The following PAM variants were observed in gnomAD, a reference collection of about 807,000 sequenced individuals.
PAM encodes the protein peptidyl-glycine alpha-amidating monooxygenase.
A neutral mutation model predicts 122.1 loss-of-function variants in PAM; 72 were observed. That is an observed-to-expected ratio of 0.59 (90% CI 0.49 to 0.72). The LOEUF is 0.72. PAM is among the 30% of genes least tolerant of loss of function. PAM has a pLI of 0.00. For synonymous variants in PAM, 389 were observed against 404.4 expected (o/e 0.96, Z 0.46); for missense variants, 1,106 against 1,183.7 (o/e 0.93, Z 0.96).
chr5:103,001,570 T>C lies in PAM; in HGVS notation c.1614-1463T>C, dbSNP rs552428206. ...ACAAAGCTGAATCAATATTTTGTGT[T>C]CAATTGAATGCATCATTAATAAGAA... On this transcript the variant is annotated intron_variant, in intron 16 of 25. Coordinates refer to ENST00000438793, the MANE Select transcript of PAM (RefSeq NM_001177306.2). Among the ~76,000 whole-genome samples the C allele has an allele frequency of 2.0e-5, 3 of 152,274 alleles. No individual in the cohort carries two copies. In the East Asian group the frequency reaches 5.8e-4, roughly 29 times the overall value.
intron 1 of PAM, among the ~76,000 whole-genome samples, chr5:102,815,803 T>G (rs914250314): frequency 5.9e-5 from 9 of 152,200 alleles, no homozygotes; most frequent in African/African-American, 2.2e-4. Context: ...AGTTGGCATT[T>G]GTCCAAACTT....
chr5:102,925,030 C>T lies in PAM; in HGVS notation c.430C>T (p.Arg144Trp), dbSNP rs778364854. The T allele has an allele frequency of 7.0e-6, 11 of 1,560,366 alleles. No individual in the cohort carries two copies. The highest frequency in any genetic ancestry group is 6.7e-5 in the East Asian group (3 of 44,662). Residue 144 changes from arginine (R) to tryptophan (W), a missense_variant, in exon 6 of 26, where the codon CGG becomes TGG. By Grantham distance (101) the Arg-to-Trp change is moderately radical. This residue lies in a region of PAM where 670 missense variants were observed against 690.3 expected (regional missense o/e 0.97). Coordinates refer to ENST00000438793, the MANE Select transcript of PAM (RefSeq NM_001177306.2). The stretch of plus-strand genomic sequence containing the variant: ...CTGGGCGAGAAATGCTCCCCCTACC[C>T]GGCTCCCCAAAGGTATGTCAGAGCC... The part of the protein sequence containing the change: ...YAWARNAPPT[R>W]LPKGVGFRVG...
At chr5:102,843,592 T>A (rs529897095) in intron 1 of PAM, among the ~76,000 whole-genome samples, 2 of 152,194 alleles carry the variant, frequency 1.3e-5, no homozygotes, top group South Asian at 4.1e-4. Context: ...TGGGAGAAAA[T>A]ATTTGCAAAC....
At chr5:102,875,941 A>G (rs1789041372) in intron 3 of PAM, among the ~76,000 whole-genome samples, 1 of 152,272 alleles carries the variant, frequency 6.6e-6, no homozygotes, top group Admixed American at 6.5e-5. Context: ...TCTGACTTAC[A>G]GAACAGAAAG....
rs531164951 is a variant in PAM at position 102,864,980 on chromosome 5, C to T, written c.-373-843C>T. Among the ~76,000 whole-genome samples, 8 of 152,264 alleles carry T rather than the reference C, an allele frequency of 5.3e-5. No homozygotes were observed. In the South Asian group the frequency reaches 1.2e-3, roughly 24 times the overall value. On this transcript the variant is annotated intron_variant, in intron 1 of 25. Transcript: ENST00000438793. ...GTAACATTAGTTCTTCATGGCCTCTCATTTGTATTAATGTGACGTTCTTGA... is the reference window on the plus strand; with the variant it reads ...GTAACATTAGTTCTTCATGGCCTCTTATTTGTATTAATGTGACGTTCTTGA...
At chr5:102,760,341 T>G (rs911206344) in intron 1 of PAM, among the ~76,000 whole-genome samples, 11 of 152,208 alleles carry the variant, frequency 7.2e-5, no homozygotes, top group Non-Finnish European at 1.6e-4. Context: ...GTGAGTAGTA[T>G]AGTCCTTTGT....
At chr5:102,907,994 A>G (rs1800129301) in intron 4 of PAM, among the ~76,000 whole-genome samples, 1 of 151,658 alleles carries the variant, frequency 6.6e-6, no homozygotes, top group African/African-American at 2.4e-5. Context: ...CCATTTGTCA[A>G]TTTTGTCTTT....
intron 7 of PAM, among the ~76,000 whole-genome samples, chr5:102,932,410 C>T (rs7703439): frequency 0.015 from 2,330 of 151,918 alleles, 46 homozygotes; most frequent in African/African-American, 0.052. Context: ...ATCGTTTGAA[C>T]CCGGGAGGCA....
intron 15 of PAM, among the ~76,000 whole-genome samples, chr5:102,981,855 G>C (rs1168180314): frequency 6.6e-6 from 1 of 152,110 alleles, no homozygotes; most frequent in Non-Finnish European, 1.5e-5. Context: ...TTAAACATTT[G>C]GTGGGGGAAT....
intron 1 of PAM, among the ~76,000 whole-genome samples, chr5:102,830,026 T>C (rs1774967452): frequency 6.6e-6 from 1 of 152,102 alleles, no homozygotes; most frequent in Admixed American, 6.5e-5. Flanking sequence ...TAGCAACACG[T>C]ATAGATGTTT....
intron 20 of PAM, among the ~76,000 whole-genome samples, chr5:103,009,493 G>A (rs1210800989): frequency 2.0e-5 from 3 of 151,986 alleles, no homozygotes; most frequent in Non-Finnish European, 4.4e-5. Context: ...ATGTATTTCT[G>A]ATTTCTACTG....
chr5:102,783,061 CAAAT>C (rs1759486625), intron 1 of PAM, among the ~76,000 whole-genome samples: 1 of 151,380 alleles, frequency 6.6e-6, no homozygotes, highest in African/African-American at 2.4e-5. Context: ...AAAAAAAACT[CAAAT>C]AAGAGGTATT....
chr5:102,817,738 A>T (rs1007703344), intron 1 of PAM, among the ~76,000 whole-genome samples: 2 of 151,774 alleles, frequency 1.3e-5, no homozygotes, highest in African/African-American at 4.8e-5. Flanking sequence ...ATGTTATCAG[A>T]TCATGTCTCT....
At chr5:102,995,161 C>T (rs1775306745) in intron 16 of PAM, among the ~76,000 whole-genome samples, 1 of 152,102 alleles carries the variant, frequency 6.6e-6, no homozygotes, top group South Asian at 2.1e-4. Context: ...GATTTCTTTC[C>T]TACCTTAGGG....
At chr5:102,909,896 G>A (rs1433981205) in intron 4 of PAM, among the ~76,000 whole-genome samples, 4 of 151,706 alleles carry the variant, frequency 2.6e-5, no homozygotes, top group Admixed American at 6.6e-5. Flanking sequence ...CTTGCAAGTC[G>A]GTGCTTTTTT....
Position 102,974,437 on chromosome 5 carries a change from G to T in PAM, c.1483+1G>T. The stretch of plus-strand genomic sequence containing the variant: ...ACCTGGGAACCAGAACACACAGGAG[G>T]TGCGTGTAGGGTTTCTTTTAAGCAG... On this transcript the variant is annotated splice_donor_variant, in intron 15 of 25. Coordinates refer to ENST00000438793, the MANE Select transcript of PAM (RefSeq NM_001177306.2). LOFTEE classifies it high-confidence loss of function. The T allele has an allele frequency of 2.5e-6, 4 of 1,603,130 alleles. No individual in the cohort carries two copies. Among genetic ancestry groups the T allele is most frequent in the Non-Finnish European group, 3.4e-6 (4 of 1,172,602 alleles).
At chr5:102,851,987 T>C (rs1781445916) in intron 1 of PAM, among the ~76,000 whole-genome samples, 1 of 152,222 alleles carries the variant, frequency 6.6e-6, no homozygotes, top group Non-Finnish European at 1.5e-5. Context: ...CAAATTCTAC[T>C]ATGCCAAAAA....
At chr5:102,782,897 A>C (rs1337172918) in intron 1 of PAM, among the ~76,000 whole-genome samples, 2 of 151,130 alleles carry the variant, frequency 1.3e-5, no homozygotes, top group Non-Finnish European at 2.9e-5. Flanking sequence ...TATACTCCCC[A>C]TATTTTTGGT....
intron 1 of PAM, among the ~76,000 whole-genome samples, chr5:102,791,470 A>T (rs561043839): frequency 2.6e-5 from 4 of 151,816 alleles, no homozygotes; most frequent in Non-Finnish European, 5.9e-5. Flanking sequence ...TTTTTATATT[A>T]TTTTTACTTC....
Sources: gnomAD v4.1 joint callset for allele counts (sites outside exome capture counted in the v4.1 genomes callset) on GRCh38, gnomAD v4.1.1 for gene constraint, gnomAD v4.1.1 regional missense constraint, MANE v1.5 for transcripts, NCBI Gene and HGNC (gene_info 2026-07-23, HGNC 2026-07-21) for gene names.